CCDC126: variants seen among roughly 807,000 people sequenced by gnomAD.
CCDC126 encodes the protein coiled-coil domain containing 126.
In CCDC126, 5 loss-of-function variants were observed where a neutral mutation model predicts 11.7. The observed-to-expected ratio is 0.43, with a 90% CI of 0.22 to 0.90. CCDC126 has a LOEUF of 0.90. Among genes scored for constraint, CCDC126 ranks in the 40% least tolerant of loss-of-function variants. The pLI is 0.27. For missense variants in CCDC126, 150 were observed against 163.1 expected (o/e 0.92, Z 0.44); for synonymous variants, 60 against 61.9 (o/e 0.97, Z 0.14).
chr7:23,614,795 T>C (rs1484684513), intron 3 of CCDC126, among the ~76,000 whole-genome samples: 1 of 152,176 alleles, frequency 6.6e-6, no homozygotes, highest in Non-Finnish European at 1.5e-5. Flanking sequence ...AGGAATTGTT[T>C]TTTCTGAACA....
intron 3 of CCDC126, among the ~76,000 whole-genome samples, chr7:23,624,620 A>G (rs1460938202): frequency 6.6e-6 from 1 of 152,156 alleles, no homozygotes; most frequent in African/African-American, 2.4e-5. Flanking sequence ...CCTATTTCCT[A>G]ATAAAACTGT....
At chr7:23,627,523 C>T (rs532791272) in intron 3 of CCDC126, among the ~76,000 whole-genome samples, 1 of 151,086 alleles carries the variant, frequency 6.6e-6, no homozygotes, top group South Asian at 2.1e-4. Context: ...GCTGAGATCG[C>T]ACCACTGCAC....
chr7:23,637,154 G>A (rs1167036355), intron 3 of CCDC126, among the ~76,000 whole-genome samples: 8 of 61,050 alleles, frequency 1.3e-4, no homozygotes, highest in East Asian at 5.8e-4. Flanking sequence ...CCCCTACTGG[G>A]AAGTGAGGAG....
chr7:23,613,707 A>T (rs1584199423), intron 3 of CCDC126, among the ~76,000 whole-genome samples: 1 of 152,084 alleles, frequency 6.6e-6, no homozygotes, highest in Non-Finnish European at 1.5e-5. Flanking sequence ...GACCATGTTG[A>T]TGGTATTCAT....
chr7:23,628,083 C>T (rs2128019739), intron 3 of CCDC126, among the ~76,000 whole-genome samples: 1 of 152,164 alleles, frequency 6.6e-6, no homozygotes, highest in Non-Finnish European at 1.5e-5. Context: ...TAAGCATTTT[C>T]AGAAGCAGGC....
At position 23,643,433 on chromosome 7, in the gene CCDC126, A is replaced by G. The variant is rs956178637; in HGVS notation, c.*318A>G. 4.5e-6 allele frequency: 1 copy of G among 223,890 alleles called. No homozygotes were observed. Among genetic ancestry groups the G allele is most frequent in the Non-Finnish European group, 8.7e-6 (1 of 115,488 alleles). 13.9% of individuals were successfully genotyped at this position (223,890 alleles called of 1,614,324 possible). A position where few individuals can be genotyped will look rare whatever the true frequency, so the allele number is the denominator to read the frequency against. ...AGATCAAGCTGAAATGAAAACACTGAAAAACATGGATTCATTTCTATAACA... is the reference window on the plus strand; with the variant it reads ...AGATCAAGCTGAAATGAAAACACTGGAAAACATGGATTCATTTCTATAACA... On this transcript the variant is annotated 3_prime_UTR_variant, in exon 4 of 4. Transcript: ENST00000307471.
intron 3 of CCDC126, chr7:23,622,902 C>G: frequency 3.0e-6 from 1 of 336,448 alleles, no homozygotes; most frequent in Non-Finnish European, 5.8e-6. Context: ...CATGCAGTAA[C>G]ATGAATTATT....
chr7:23,597,684 C>T (rs1219682753), intron 1 of CCDC126, 79 bp downstream of exon 1: 1 of 152,718 alleles, frequency 6.5e-6, no homozygotes. Flanking sequence ...GCTCCTCCCC[C>T]GCCGCGCCCC....
rs142579869 is a variant in CCDC126 at position 23,622,728 on chromosome 7, T to C, written c.238+11175T>C. 166 of 524,606 alleles carry C rather than the reference T, an allele frequency of 3.2e-4. 1 individual carries two copies. In the Middle Eastern group the frequency reaches 3.2e-3, roughly 10 times the overall value. 32.5% of individuals were successfully genotyped at this position (524,606 alleles called of 1,614,324 possible). Reference sequence around the variant, plus strand: ...CATAAATGTTACATTGTGGCCACAGTTGACCCTTAAGATTCCTGGAGTTCC... The same window carrying C: ...CATAAATGTTACATTGTGGCCACAGCTGACCCTTAAGATTCCTGGAGTTCC... On this transcript the variant is annotated intron_variant, in intron 3 of 3. Coordinates refer to ENST00000307471, the MANE Select transcript of CCDC126 (RefSeq NM_138771.4).
At chr7:23,626,656 C>T (rs1783021251) in intron 3 of CCDC126, among the ~76,000 whole-genome samples, 1 of 152,032 alleles carries the variant, frequency 6.6e-6, no homozygotes, top group South Asian at 2.1e-4. Flanking sequence ...TCTCCCTCCT[C>T]CCACCCTCCC....
intron 2 of CCDC126, among the ~76,000 whole-genome samples, chr7:23,602,721 T>C (rs1320954436): frequency 6.6e-6 from 1 of 152,182 alleles, no homozygotes; most frequent in East Asian, 1.9e-4. Flanking sequence ...CTCCTCTTTC[T>C]GAAATCAGAT....
At chr7:23,602,202 T>C (rs188221883) in intron 2 of CCDC126, 131 of 152,308 alleles carry the variant, frequency 8.6e-4, no homozygotes, top group African/African-American at 2.9e-3. Context: ...GTAATAAATA[T>C]ACAAATTTAG....
intron 3 of CCDC126, among the ~76,000 whole-genome samples, chr7:23,630,324 C>A (rs375712964): frequency 6.6e-6 from 1 of 150,896 alleles, no homozygotes; most frequent in Non-Finnish European, 1.5e-5. Flanking sequence ...AAAGGTGAAA[C>A]CCCATCTCTA....
At position 23,643,007 on chromosome 7, in the gene CCDC126, C is replaced by T; in HGVS notation, c.315C>T (p.Asp105=). The part of the protein sequence containing the change: ...QRLVKLENKV[D]YIVVNGSAAN... Reference sequence around the variant, plus strand: ...TGGTGAAGCTGGAGAACAAAGTTGACTATATTGTTGTGAATGGCTCAGCAG... The same window carrying T: ...TGGTGAAGCTGGAGAACAAAGTTGATTATATTGTTGTGAATGGCTCAGCAG... Residue 105 remains aspartate, a synonymous_variant, in exon 4 of 4, where the codon GAC becomes GAT. Coordinates refer to ENST00000307471, the MANE Select transcript of CCDC126 (RefSeq NM_138771.4). 4 of 1,614,154 alleles carry T rather than the reference C, an allele frequency of 2.5e-6. No individual in the cohort carries two copies. The Admixed American group carries it at 6.7e-5, about 27-fold the overall frequency.
Position 23,611,569 on chromosome 7 carries a change from A to G in CCDC126, c.238+16A>G. ...GCAGGATATGGTAAGATAACCGTAG[A>G]ATATTTCTAGTTTCCTCCAATCCCT... On this transcript the variant is annotated intron_variant, in intron 3 of 3. Transcript: ENST00000307471. 3 of 1,546,178 alleles carry G rather than the reference A, an allele frequency of 1.9e-6. No homozygotes were observed. Among genetic ancestry groups the G allele is most frequent in the Non-Finnish European group, 2.7e-6 (3 of 1,119,124 alleles).
rs1312296099 is a variant in CCDC126, at chr7:23,611,517, G to A, written c.202G>A (p.Val68Met). ...KALAEENKNT[V>M]DVENGASMAG... Reference sequence around the variant, plus strand: ...TCTAGCAGAGGAAAATAAGAACACAGTGGATGTCGAGAACGGTGCTTCTAT... The same window carrying A: ...TCTAGCAGAGGAAAATAAGAACACAATGGATGTCGAGAACGGTGCTTCTAT... The change falls in exon 3 of 4, where the codon GTG becomes ATG. Residue 68 changes from valine (V) to methionine (M), a missense_variant. Physicochemically the swap from Val to Met is conservative, Grantham distance 21 (BLOSUM62 1). Transcript: ENST00000307471. 6.2e-7 allele frequency: 1 copy of A among 1,613,630 alleles called. No individual in the cohort carries two copies. The highest frequency in any genetic ancestry group is 1.7e-5 in the Admixed American group (1 of 60,026).
intron 3 of CCDC126, among the ~76,000 whole-genome samples, chr7:23,628,917 A>G (rs1437146381): frequency 6.6e-6 from 1 of 152,164 alleles, no homozygotes. Context: ...ACCCTTGAGT[A>G]TTGTGGAAGC....
chr7:23,626,489 T>A (rs952609205), intron 3 of CCDC126, among the ~76,000 whole-genome samples: 2 of 152,052 alleles, frequency 1.3e-5, no homozygotes, highest in African/African-American at 4.8e-5. Context: ...GCTAATATAT[T>A]TTTTAATGGA....
intron 2 of CCDC126, among the ~76,000 whole-genome samples, chr7:23,607,751 G>C (rs1003638617): frequency 6.6e-6 from 1 of 152,154 alleles, no homozygotes; most frequent in South Asian, 2.1e-4. Context: ...AGCCTACCCT[G>C]GGGGTAACGA....
Sources: allele counts gnomAD v4.1 joint callset (sites outside exome capture counted in the v4.1 genomes callset), GRCh38; gene constraint gnomAD v4.1.1; transcripts MANE v1.5; gene names NCBI Gene and HGNC (gene_info 2026-07-23, HGNC 2026-07-21).